CCNB1IP1: variants seen among roughly 807,000 people sequenced by gnomAD.
The protein encoded by CCNB1IP1 is cyclin B1 interacting protein 1.
Under a neutral mutation model 25.6 loss-of-function variants are expected in CCNB1IP1, and 14 were observed. The observed-to-expected ratio is 0.55, with a 90% CI of 0.36 to 0.85. CCNB1IP1 has a LOEUF of 0.85. Ranked by LOEUF, CCNB1IP1 falls within the 40% of genes least tolerant of loss-of-function variation. The pLI, the probability that CCNB1IP1 is intolerant of heterozygous loss-of-function variation, is 0.01. For synonymous variants in CCNB1IP1, 119 were observed against 116.1 expected, an observed-to-expected ratio of 1.02 and a Z score of -0.16; for missense variants, 278 against 342.4, an observed-to-expected ratio of 0.81 and a Z score of 1.48.
chr14:20,316,812 A>G (rs1216088228), intron 4 of CCNB1IP1, among the ~76,000 whole-genome samples: 1 of 152,218 alleles, frequency 6.6e-6, no homozygotes, highest in Non-Finnish European at 1.5e-5. Context: ...AACGTCAAAA[A>G]TAATATATAC....
intron 4 of CCNB1IP1, chr14:20,320,293 G>T (rs1027321290): frequency 7.0e-5 from 32 of 455,562 alleles, no homozygotes; most frequent in Non-Finnish European, 1.4e-4. Flanking sequence ...CTTACAATAA[G>T]AGTTGTGAAG....
rs1246396871 is a variant in CCNB1IP1, at chr14:20,313,549, G to A, written c.550C>T (p.Arg184Ter). ...TCATGGTTAGCAATAGTGATGTTTC[G>A]TAGCCTAAGGCTATCATAGAGGCCT... ...LQGLYDSLRL[R>*]NITIANHEGT... Residue 184 changes from arginine to a stop codon, truncating the protein, a stop_gained, in exon 6 of 7, where the codon CGA becomes TGA. Transcript: ENST00000358932. LOFTEE classifies it high-confidence loss of function. 5 of 1,614,172 alleles carry A rather than the reference G, an allele frequency of 3.1e-6. No homozygotes were observed. The highest frequency in any genetic ancestry group is 4.5e-5 in the East Asian group (2 of 44,878).
intron 4 of CCNB1IP1, among the ~76,000 whole-genome samples, chr14:20,322,296 C>T (rs1490888299): frequency 1.3e-5 from 2 of 152,068 alleles, no homozygotes; most frequent in Non-Finnish European, 2.9e-5. Flanking sequence ...GCTTCCCCCA[C>T]CTTCCCCACC....
In CCNB1IP1 at chr14:20,313,511, T is replaced by C. The variant is rs201511282; in HGVS notation, c.588A>G (p.Glu196=). 6.2e-7 allele frequency: 1 copy of C among 1,613,382 alleles called. No individual in the cohort carries two copies. The highest frequency in any genetic ancestry group is 1.7e-5 in the Admixed American group (1 of 59,924). The part of the protein sequence containing the change: ...ITIANHEGTL[E]PSMIAQSGVL... ...CACCAGACTGTGCAATCATGGATGG[T>C]TCAAGGGTGCCTTCATGGTTAGCAA... The change falls in exon 6 of 7, where the codon GAA becomes GAG. Residue 196 remains glutamate (E), a synonymous_variant. Transcript: ENST00000358932.
chr14:20,327,031 G>A lies in CCNB1IP1; in HGVS notation c.-230-238C>T, dbSNP rs764593073. Reference sequence around the variant, plus strand: ...TTCAAGGTTACAGTGAGCTGTGATCGTGCCACTGTACTCCAGCCTAGGCAA... The same window carrying A: ...TTCAAGGTTACAGTGAGCTGTGATCATGCCACTGTACTCCAGCCTAGGCAA... On this transcript the variant is annotated intron_variant, in intron 2 of 6. Coordinates refer to ENST00000358932, the MANE Select transcript of CCNB1IP1 (RefSeq NM_021178.5). Among the ~76,000 whole-genome samples the A allele has an allele frequency of 2.6e-4, 39 of 151,920 alleles. 1 individual carries two copies. Among genetic ancestry groups the A allele is most frequent in the Non-Finnish European group, 7.4e-5 (5 of 67,996 alleles).
intron 5 of CCNB1IP1, chr14:20,315,664 G>C: frequency 7.9e-7 from 1 of 1,262,954 alleles, no homozygotes; most frequent in Non-Finnish European, 1.0e-6. Flanking sequence ...ATGCGTATTT[G>C]ATAAGAATGC....
At chr14:20,316,805 G>T (rs559207167) in intron 4 of CCNB1IP1, among the ~76,000 whole-genome samples, 1 of 152,120 alleles carries the variant, frequency 6.6e-6, no homozygotes, top group Admixed American at 6.6e-5. Context: ...TCTTGCTAAC[G>T]TCAAAAATAA....
Position 20,313,513 on chromosome 14 carries a change from C to G in CCNB1IP1, c.586G>C (p.Glu196Gln). ...ITIANHEGTL[E>Q]PSMIAQSGVL... ...CCAGACTGTGCAATCATGGATGGTT[C>G]AAGGGTGCCTTCATGGTTAGCAATA... Residue 196 changes from glutamate to glutamine, a missense_variant, in exon 6 of 7, where the codon GAA (glutamate) becomes CAA (glutamine). Transcript: ENST00000358932. The G allele has an allele frequency of 6.2e-7, 1 of 1,613,348 alleles. No homozygotes were observed. The highest frequency in any genetic ancestry group is 8.5e-7 in the Non-Finnish European group (1 of 1,179,644).
chr14:20,324,882 G>A (rs10133899), intron 4 of CCNB1IP1, among the ~76,000 whole-genome samples: 2,325 of 151,998 alleles, frequency 0.015, 62 homozygotes, highest in African/African-American at 0.053. Flanking sequence ...GTATAGTTGC[G>A]CTCTCTCTGC....
intron 2 of CCNB1IP1, among the ~76,000 whole-genome samples, chr14:20,327,523 G>C (rs779529155): frequency 7.3e-5 from 11 of 149,780 alleles, no homozygotes; most frequent in Non-Finnish European, 1.2e-4. Context: ...CGTGTCATCT[G>C]AACTTTCAGG....
At chr14:20,329,734 A>G (rs1883179697) in intron 1 of CCNB1IP1, among the ~76,000 whole-genome samples, 1 of 152,130 alleles carries the variant, frequency 6.6e-6, no homozygotes. Context: ...TGGTAGTTCT[A>G]TTTTTAATTT....
At chr14:20,330,252 TGGGAGCTAAATCTTGCGTA>T (rs1469003900) in intron 1 of CCNB1IP1, among the ~76,000 whole-genome samples, 2 of 152,048 alleles carry the variant, frequency 1.3e-5, no homozygotes, top group Non-Finnish European at 2.9e-5. Context: ...AATCTTGCGT[TGGGAGCTAAATCTTGCGTA>T]GGGAGCTAAA....
chr14:20,324,707 A>T (rs1566404187), intron 4 of CCNB1IP1, among the ~76,000 whole-genome samples: 1 of 152,184 alleles, frequency 6.6e-6, no homozygotes, highest in Non-Finnish European at 1.5e-5. Context: ...TAAGACATAG[A>T]TATTAGGAAA....
At chr14:20,316,621 A>C in intron 4 of CCNB1IP1, 61 bp from the exon 5 acceptor site, 1 of 905,582 alleles carries the variant, frequency 1.1e-6, no homozygotes, top group Non-Finnish European at 1.6e-6. Context: ...AAAAGTAAAA[A>C]AGAAATATAA....
At position 20,313,500 on chromosome 14, in the gene CCNB1IP1, A is replaced by G. The variant is rs1490647197; in HGVS notation, c.599T>C (p.Ile200Thr). The G allele has an allele frequency of 6.2e-7, 1 of 1,609,138 alleles. No homozygotes were observed. The highest frequency in any genetic ancestry group is 2.2e-5 in the East Asian group (1 of 44,806). ...NHEGTLEPSMIAQSGVLGFPL... is the reference protein window; with the variant it reads ...NHEGTLEPSMTAQSGVLGFPL... ...GAAGCCAAGAACACCAGACTGTGCA[A>G]TCATGGATGGTTCAAGGGTGCCTTC... The change falls in exon 6 of 7, where the codon ATT (isoleucine) becomes ACT (threonine). Residue 200 changes from isoleucine (I) to threonine (T), a missense_variant. By Grantham distance (89) the Ile-to-Thr change is moderately conservative. Coordinates refer to ENST00000358932, the MANE Select transcript of CCNB1IP1 (RefSeq NM_021178.5).
intron 2 of CCNB1IP1, among the ~76,000 whole-genome samples, chr14:20,328,633 GATA>G (rs1368934427): frequency 6.6e-6 from 1 of 151,996 alleles, no homozygotes; most frequent in Non-Finnish European, 1.5e-5. Context: ...ATTCTTACAG[GATA>G]ATAATTATAG....
intron 1 of CCNB1IP1, among the ~76,000 whole-genome samples, chr14:20,332,111 C>T (rs1444095563): frequency 4.1e-4 from 59 of 143,318 alleles, no homozygotes; most frequent in African/African-American, 1.4e-3. Context: ...CTCGGCTCAC[C>T]GCAACCTCCA....
intron 6 of CCNB1IP1, among the ~76,000 whole-genome samples, chr14:20,312,585 G>C (rs976298541): frequency 6.6e-6 from 1 of 151,790 alleles, no homozygotes; most frequent in African/African-American, 2.4e-5. Flanking sequence ...TGAGTATTAG[G>C]AAAGTCCAGC....
chr14:20,312,961 T>A (rs1018703097), intron 6 of CCNB1IP1, among the ~76,000 whole-genome samples: 1 of 151,924 alleles, frequency 6.6e-6, no homozygotes, highest in Non-Finnish European at 1.5e-5. Context: ...GTGAAAAAAA[T>A]TGAAACATGG....
Sources: allele counts gnomAD v4.1 joint callset (sites outside exome capture counted in the v4.1 genomes callset), GRCh38; gene constraint gnomAD v4.1.1; transcripts MANE v1.5; gene names NCBI Gene and HGNC (gene_info 2026-07-23, HGNC 2026-07-21).